APBA2: variants seen among roughly 807,000 people sequenced by gnomAD.
The protein encoded by APBA2 is amyloid beta precursor protein binding family A member 2, also known as amyloid-beta A4 precursor protein-binding family A member 2.
A neutral mutation model predicts 75.0 loss-of-function variants in APBA2; 30 were observed. That is an observed-to-expected ratio of 0.40 (90% CI 0.30 to 0.54). APBA2 has a LOEUF of 0.54. Among genes scored for constraint, APBA2 ranks in the 20% least tolerant of loss-of-function variants. APBA2 has a pLI of 0.49. For missense variants in APBA2, 801 were observed against 1,016.1 expected, an observed-to-expected ratio of 0.79 and a Z score of 2.88; for synonymous variants, 444 against 409.6, an observed-to-expected ratio of 1.08 and a Z score of -1.01.
chr15:28,894,945 T>A (rs2032376192), intron 1 of APBA2, among the ~76,000 whole-genome samples: 1 of 152,046 alleles, frequency 6.6e-6, no homozygotes, highest in Admixed American at 6.5e-5. Context: ...AGGCAGCTCC[T>A]GCGTCATTGG....
At chr15:28,893,191 A>G (rs1480813740) in intron 1 of APBA2, among the ~76,000 whole-genome samples, 2 of 152,220 alleles carry the variant, frequency 1.3e-5, no homozygotes, top group African/African-American at 4.8e-5. Context: ...CATCCTGAGA[A>G]GGGCACGTGG....
At chr15:29,082,799 G>A (rs548622765) in intron 6 of APBA2, among the ~76,000 whole-genome samples, 20 of 152,136 alleles carry the variant, frequency 1.3e-4, no homozygotes, top group Non-Finnish European at 2.4e-4. Flanking sequence ...AGTGGCTCAT[G>A]CCTGTAATCC....
At chr15:28,929,987 G>A (rs1451400913) in intron 2 of APBA2, among the ~76,000 whole-genome samples, 3 of 152,096 alleles carry the variant, frequency 2.0e-5, no homozygotes, top group Non-Finnish European at 4.4e-5. Context: ...CCTCAAAGCT[G>A]TTGAGCAGTT....
chr15:29,094,022 C>T (rs997940399), intron 7 of APBA2, among the ~76,000 whole-genome samples: 6 of 152,214 alleles, frequency 3.9e-5, no homozygotes, highest in South Asian at 2.1e-4. Flanking sequence ...CCCTTCCTGC[C>T]GGCTGATGGC....
At chr15:28,932,696 C>G (rs967540249) in intron 2 of APBA2, among the ~76,000 whole-genome samples, 6 of 152,280 alleles carry the variant, frequency 3.9e-5, no homozygotes, top group African/African-American at 1.4e-4. Context: ...TGTTTAAAGC[C>G]AGGTCCCATC....
intron 2 of APBA2, among the ~76,000 whole-genome samples, chr15:28,934,883 A>AG (rs1359014368): frequency 6.6e-6 from 1 of 152,184 alleles, no homozygotes; most frequent in Non-Finnish European, 1.5e-5. Flanking sequence ...GTGGGAAGGG[A>AG]GGCAGGTCCC....
intron 9 of APBA2, among the ~76,000 whole-genome samples, chr15:29,099,590 C>T (rs147964189): frequency 9.2e-5 from 14 of 152,356 alleles, no homozygotes; most frequent in African/African-American, 3.4e-4. Context: ...TTTGCACAAA[C>T]GGTTTAGGCA....
rs780993873 is a variant in APBA2 at position 29,114,056 on chromosome 15, C to A, written c.2178+40C>A. On this transcript the variant is annotated intron_variant, in intron 14 of 14. Transcript: ENST00000683413. The stretch of plus-strand genomic sequence containing the variant: ...TGAGTGTGCCTCTGCATGCCGGTTC[C>A]CACGTGCTCCCGCCTGCCCTCCATG... 8 of 1,613,258 alleles carry A rather than the reference C, an allele frequency of 5.0e-6. No individual in the cohort carries two copies. The South Asian group carries it at 8.8e-5, about 18-fold the overall frequency.
chr15:29,114,833 T>A (rs961794293), intron 14 of APBA2, among the ~76,000 whole-genome samples: 4 of 149,602 alleles, frequency 2.7e-5, no homozygotes, highest in African/African-American at 5.0e-5. Context: ...CGTGTGTGTG[T>A]GAGAGCATGG....
chr15:28,945,729 G>T (rs1054957824), intron 2 of APBA2, among the ~76,000 whole-genome samples: 1 of 152,024 alleles, frequency 6.6e-6, no homozygotes, highest in Non-Finnish European at 1.5e-5. Flanking sequence ...TGTTAGCCAG[G>T]CTGGTAACTC....
In APBA2 at chr15:29,098,518, C is replaced by T. The variant is rs375339761; in HGVS notation, c.1280C>T (p.Thr427Met). Residue 427 changes from threonine to methionine, a missense_variant, in exon 9 of 15, where the codon ACG becomes ATG. Physicochemically the swap from Thr to Met is moderately conservative, Grantham distance 81. This residue lies in a region of APBA2 where 367 missense variants were observed against 544.5 expected (regional missense o/e 0.67). Transcript: ENST00000683413. The stretch of plus-strand genomic sequence containing the variant: ...TCTGAGGGGGATGCCCAGACGCTGA[C>T]GGAAGTGGACCTCTTCATTTCCACC... ...ANSEGDAQTL[T>M]EVDLFISTQR... 3.0e-5 allele frequency: 48 copies of T among 1,614,004 alleles called. No homozygotes were observed. The highest frequency in any genetic ancestry group is 4.5e-5 in the East Asian group (2 of 44,882).
intron 3 of APBA2, among the ~76,000 whole-genome samples, chr15:29,030,157 C>G (rs2040415781): frequency 6.6e-6 from 1 of 152,108 alleles, no homozygotes; most frequent in South Asian, 2.1e-4. Context: ...GCTTAATGTG[C>G]TCACTCTAAA....
chr15:28,975,410 A>G (rs1197497255), intron 2 of APBA2, among the ~76,000 whole-genome samples: 2 of 152,248 alleles, frequency 1.3e-5, no homozygotes, highest in Non-Finnish European at 2.9e-5. Context: ...ACAGTATTAG[A>G]GAGAACCCTT....
At chr15:28,916,740 G>A (rs1345180978) in intron 1 of APBA2, among the ~76,000 whole-genome samples, 18 of 152,338 alleles carry the variant, frequency 1.2e-4, no homozygotes, top group East Asian at 1.2e-3. Context: ...TGTAGTGCGC[G>A]TTGCCCTGCC....
At chr15:28,906,012 C>T (rs1338123195) in intron 1 of APBA2, among the ~76,000 whole-genome samples, 20 of 151,918 alleles carry the variant, frequency 1.3e-4, no homozygotes, top group African/African-American at 4.1e-4. Flanking sequence ...GGTGGAGACT[C>T]CTCCCATTTT....
intron 3 of APBA2, among the ~76,000 whole-genome samples, chr15:29,013,052 G>A (rs747604523): frequency 2.6e-5 from 4 of 151,906 alleles, no homozygotes; most frequent in Non-Finnish European, 4.4e-5. Flanking sequence ...AAAAAATTTC[G>A]TCAAGAGTTT....
chr15:28,971,304 C>A (rs925152905), intron 2 of APBA2, among the ~76,000 whole-genome samples: 1 of 152,016 alleles, frequency 6.6e-6, no homozygotes, highest in African/African-American at 2.4e-5. Flanking sequence ...GAAAAACATA[C>A]AGTTAATCAG....
chr15:29,025,863 A>C (rs1474243928), intron 3 of APBA2, among the ~76,000 whole-genome samples: 1 of 151,500 alleles, frequency 6.6e-6, no homozygotes, highest in Non-Finnish European at 1.5e-5. Flanking sequence ...AGGCAGGAGA[A>C]TTGCTTGAAC....
intron 9 of APBA2, 108 bp from the exon 10 acceptor site, chr15:29,101,491 C>G (rs112834073): frequency 7.7e-7 from 1 of 1,301,920 alleles, no homozygotes; most frequent in Non-Finnish European, 1.1e-6. Context: ...CTCGGCCTCC[C>G]AAAGTGCTAG....
Sources: gnomAD v4.1 joint callset for allele counts (sites outside exome capture counted in the v4.1 genomes callset) on GRCh38, gnomAD v4.1.1 for gene constraint, gnomAD v4.1.1 regional missense constraint, MANE v1.5 for transcripts, NCBI Gene and HGNC (gene_info 2026-07-23, HGNC 2026-07-21) for gene names.